The following FREM1 variants were observed in gnomAD, a reference collection of about 807,000 sequenced individuals.
FREM1 encodes the protein FRAS1-related extracellular matrix protein 1.
A neutral mutation model predicts 210.1 loss-of-function variants in FREM1; 220 were observed. That is an observed-to-expected ratio of 1.05 (90% CI 0.94 to 1.17). The LOEUF (loss-of-function observed/expected upper bound fraction) is 1.17. Ranked by LOEUF, FREM1 falls within the 50% of genes most tolerant of loss-of-function variation. The pLI is 0.00. For synonymous variants in FREM1, 1,189 were observed against 980.2 expected, an observed-to-expected ratio of 1.21 and a Z score of -3.98; for missense variants, 3,454 against 2,675.5, an observed-to-expected ratio of 1.29 and a Z score of -6.42.
chr9:14,769,980 G>A (rs1847233587), intron 26 of FREM1, 112 bp from the exon 27 acceptor site: 1 of 555,746 alleles, frequency 1.8e-6, no homozygotes, highest in South Asian at 3.0e-5. Context: ...AACAGCTAAA[G>A]TACATTTTAA....
intron 35 of FREM1, among the ~76,000 whole-genome samples, chr9:14,742,366 A>C (rs1841726515): frequency 6.6e-6 from 1 of 152,182 alleles, no homozygotes; most frequent in Admixed American, 6.6e-5. Context: ...AATGCTCTAT[A>C]ATAATATAAT....
intron 5 of FREM1, 112 bp downstream of exon 5, chr9:14,857,441 C>T: frequency 1.1e-6 from 1 of 932,182 alleles, no homozygotes; most frequent in South Asian, 1.3e-5. Context: ...GCAGTTTTAC[C>T]CCCAAAAGCA....
At chr9:14,837,345 T>G (rs542213032) in intron 10 of FREM1, among the ~76,000 whole-genome samples, 38 of 152,226 alleles carry the variant, frequency 2.5e-4, no homozygotes, top group Non-Finnish European at 4.9e-4. Context: ...TAGAGCCCCA[T>G]TCCCACCTCT....
chr9:14,798,821 G>C (rs781527887), intron 20 of FREM1, among the ~76,000 whole-genome samples: 2 of 151,944 alleles, frequency 1.3e-5, no homozygotes, highest in African/African-American at 2.4e-5. Context: ...TTACAGACAG[G>C]TGTGACCACA....
At chr9:14,857,385 C>T (rs1307866538) in intron 5 of FREM1, among the ~76,000 whole-genome samples, 168 bp downstream of exon 5, 2 of 152,142 alleles carry the variant, frequency 1.3e-5, no homozygotes, top group Non-Finnish European at 2.9e-5. Context: ...CTGTTTTAAG[C>T]ACTTACTAGC....
intron 22 of FREM1, among the ~76,000 whole-genome samples, chr9:14,792,274 A>G (rs537448694): frequency 6.4e-4 from 50 of 78,294 alleles, no homozygotes; most frequent in Admixed American, 2.1e-3. Flanking sequence ...ACACACACGC[A>G]CACACACACA....
chr9:14,874,731 G>C (rs1008154399), intron 1 of FREM1, among the ~76,000 whole-genome samples: 1 of 152,240 alleles, frequency 6.6e-6, no homozygotes, highest in African/African-American at 2.4e-5. Flanking sequence ...TGGTTATTTT[G>C]CTCATTAGTT....
rs779015914 is a variant in FREM1, at chr9:14,784,596, T to C, written c.4216A>G (p.Lys1406Glu). The change falls in exon 24 of 37, where the codon AAA becomes GAA. Residue 1406 changes from lysine to glutamate, a missense_variant. Physicochemically the swap from Lys to Glu is moderately conservative, Grantham distance 56. Coordinates refer to ENST00000380880, the MANE Select transcript of FREM1 (RefSeq NM_001379081.2). Reference protein sequence around the residue: ...VILTKPLVVSKGDRGFLTTTT... With the variant: ...VILTKPLVVSEGDRGFLTTTT... ...GTTGTTAAGAAACCTCTATCACCTT[T>C]AGACACCACGAGTGGTTTTGTAAGG... 7.5e-6 allele frequency: 12 copies of C among 1,604,630 alleles called. No homozygotes were observed. In the African/African-American group the frequency reaches 1.6e-4, roughly 21 times the overall value.
intron 10 of FREM1, among the ~76,000 whole-genome samples, chr9:14,831,007 G>A (rs1352579189): frequency 1.3e-5 from 2 of 152,136 alleles, no homozygotes; most frequent in African/African-American, 2.4e-5. Context: ...CTCAAGTCAC[G>A]GATATAAGGC....
chr9:14,759,740 T>C (rs749582275), intron 28 of FREM1, 32 bp downstream of exon 28: 2 of 1,534,760 alleles, frequency 1.3e-6, no homozygotes, highest in South Asian at 2.6e-5. Flanking sequence ...ACATAAGTTT[T>C]AGCTTGATAA....
chr9:14,903,569 T>C (rs28409485), intron 1 of FREM1, among the ~76,000 whole-genome samples: 4,130 of 152,244 alleles, frequency 0.027, 200 homozygotes, highest in African/African-American at 0.092. Context: ...CATCATTTCA[T>C]CTGGAAAGAC....
At chr9:14,844,709 C>G (rs1241212813) in intron 8 of FREM1, among the ~76,000 whole-genome samples, 1 of 152,222 alleles carries the variant, frequency 6.6e-6, no homozygotes, top group East Asian at 1.9e-4. Flanking sequence ...TAAAAATACT[C>G]AGGCTTCCCG....
chr9:14,791,145 G>C lies in FREM1; in HGVS notation c.3981+1598C>G, dbSNP rs150219137. 9 of 152,224 alleles carry C rather than the reference G, an allele frequency of 5.9e-5. No individual in the cohort carries two copies. In the East Asian group the frequency reaches 1.7e-3, roughly 29 times the overall value. 9.4% of individuals were successfully genotyped at this position (152,224 alleles called of 1,614,324 possible). The stretch of plus-strand genomic sequence containing the variant: ...AATCTACCATTGAAATAAACATTTG[G>C]ACTGATTACTCAACTGACCTTCTCA... On this transcript the variant is annotated intron_variant, in intron 22 of 36. Coordinates refer to ENST00000380880, the MANE Select transcript of FREM1 (RefSeq NM_001379081.2).
intron 24 of FREM1, among the ~76,000 whole-genome samples, chr9:14,777,039 T>G (rs1848716128): frequency 6.6e-6 from 1 of 152,210 alleles, no homozygotes; most frequent in Non-Finnish European, 1.5e-5. Context: ...GCAGGTCTTT[T>G]AATCCCTGCA....
intron 23 of FREM1, among the ~76,000 whole-genome samples, chr9:14,788,062 G>A (rs1197197922): frequency 6.6e-6 from 1 of 151,962 alleles, no homozygotes; most frequent in Non-Finnish European, 1.5e-5. Flanking sequence ...TTGCACTTAA[G>A]CATTCAATTT....
intron 27 of FREM1, among the ~76,000 whole-genome samples, chr9:14,765,633 A>G (rs1301862274): frequency 6.6e-6 from 1 of 152,134 alleles, no homozygotes; most frequent in Non-Finnish European, 1.5e-5. Context: ...ACCTTCCCCT[A>G]TCAGGTGTTT....
chr9:14,737,404 T>C lies in FREM1; in HGVS notation c.6532A>G (p.Lys2178Glu). The C allele has an allele frequency of 1.9e-6, 3 of 1,613,448 alleles. No homozygotes were observed. Among genetic ancestry groups the C allele is most frequent in the Non-Finnish European group, 2.5e-6 (3 of 1,179,586 alleles). Reference sequence around the variant, plus strand: ...TGTAGGGTCTGTTATATTTAGAGTTTTCTGGAACACACATAATTATGAGGT... The same window carrying C: ...TGTAGGGTCTGTTATATTTAGAGTTCTCTGGAACACACATAATTATGAGGT... Reference protein sequence around the residue: ...AKPHNYVCSRKL With the variant: ...AKPHNYVCSREL Residue 2178 changes from lysine to glutamate, a missense_variant, in exon 37 of 37, where the codon AAA (lysine) becomes GAA (glutamate). Lys to Glu is a moderately conservative substitution (Grantham distance 56). Transcript: ENST00000380880.
intron 1 of FREM1, among the ~76,000 whole-genome samples, chr9:14,899,120 C>G (rs1049142054): frequency 1.3e-5 from 2 of 152,188 alleles, no homozygotes; most frequent in Non-Finnish European, 1.5e-5. Context: ...CAAGGCAAAT[C>G]ACAGAGAGTT....
At chr9:14,895,882 T>C (rs1050686706) in intron 1 of FREM1, among the ~76,000 whole-genome samples, 4 of 152,080 alleles carry the variant, frequency 2.6e-5, no homozygotes, top group South Asian at 4.2e-4. Context: ...TTCATCCCTC[T>C]ACAACTCTTA....
Sources: gnomAD v4.1 joint callset for allele counts (sites outside exome capture counted in the v4.1 genomes callset) on GRCh38, gnomAD v4.1.1 for gene constraint, MANE v1.5 for transcripts, NCBI Gene and HGNC (gene_info 2026-07-23, HGNC 2026-07-21) for gene names.